The following ENOX2 variants were observed in gnomAD, a reference collection of about 807,000 sequenced individuals.
The protein encoded by ENOX2 is APK1 antigen.
ENOX2 carries 36 observed loss-of-function variants against 45.0 expected under a neutral mutation model. The observed-to-expected ratio is 0.80, with a 90% CI of 0.61 to 1.06. The LOEUF is 1.06. Among genes scored for constraint, ENOX2 ranks in the 50% least tolerant of loss-of-function variants. The pLI, the probability that ENOX2 is intolerant of heterozygous loss-of-function variation, is 0.00. For synonymous variants in ENOX2, 174 were observed against 152.3 expected (o/e 1.14, Z -1.05); for missense variants, 423 against 462.5 (o/e 0.91, Z 0.78).
At chrX:130,805,445 G>A (rs1225944072) in intron 2 of ENOX2, among the ~76,000 whole-genome samples, 2 of 111,757 alleles carry the variant, frequency 1.8e-5, no homozygotes. Flanking sequence ...TATTCCTTGT[G>A]ACCATGCCAC....
intron 2 of ENOX2, among the ~76,000 whole-genome samples, chrX:130,888,042 A>G (rs376732405): frequency 8.9e-6 from 1 of 112,212 alleles, no homozygotes; most frequent in Non-Finnish European, 1.9e-5. Context: ...GAAGCTAATT[A>G]TTTTAAGGCA....
rs2038683440 is a variant in ENOX2 at position 130,729,419 on chromosome X, G to A, written c.-38-26165C>T. On this transcript the variant is annotated intron_variant, in intron 3 of 14. Transcript: ENST00000394363. ...CCATCATAATTTTTATATTACTCAT[G>A]GATTTATGCAGCTGAGTTCCTTTTG... Among the ~76,000 whole-genome samples the A allele has an allele frequency of 3.6e-5, 4 of 111,704 alleles. No homozygotes were observed. The Admixed American group carries it at 3.8e-4, about 11-fold the overall frequency.
At chrX:130,715,148 C>A (rs2038293455) in intron 3 of ENOX2, among the ~76,000 whole-genome samples, 1 of 111,469 alleles carries the variant, frequency 9.0e-6, no homozygotes, top group African/African-American at 3.3e-5. Flanking sequence ...AGTAGGTTGA[C>A]TCTGAGAGGA....
intron 3 of ENOX2, among the ~76,000 whole-genome samples, chrX:130,766,793 C>T (rs1020207141): frequency 1.8e-5 from 2 of 111,848 alleles, no homozygotes; most frequent in Non-Finnish European, 3.8e-5. Context: ...ATTTTACATT[C>T]ATTATTTCAT....
intron 2 of ENOX2, among the ~76,000 whole-genome samples, chrX:130,881,524 T>C (rs919897201): frequency 1.8e-5 from 2 of 112,304 alleles, no homozygotes; most frequent in Non-Finnish European, 3.8e-5. Context: ...ATTTTACACA[T>C]GTCTTAGGTA....
intron 2 of ENOX2, among the ~76,000 whole-genome samples, chrX:130,889,408 T>G (rs1473686760): frequency 8.9e-6 from 1 of 112,149 alleles, no homozygotes; most frequent in African/African-American, 3.2e-5. Flanking sequence ...AAGAAAACTT[T>G]TTCTAATTGC....
intron 3 of ENOX2, among the ~76,000 whole-genome samples, chrX:130,763,459 G>A (rs765814914): frequency 9.0e-6 from 1 of 111,267 alleles, no homozygotes; most frequent in Admixed American, 9.5e-5. Flanking sequence ...GTGGGTAGGA[G>A]CACCTTCATA....
At chrX:130,666,571 C>T (rs975110113) in intron 8 of ENOX2, among the ~76,000 whole-genome samples, 16 of 111,331 alleles carry the variant, frequency 1.4e-4, no homozygotes, top group Non-Finnish European at 2.5e-4. Context: ...CTTTACATCC[C>T]TGTTTGCACC....
rs762996636 is a variant in ENOX2, at chrX:130,740,212, C to T, written c.-38-36958G>A. On this transcript the variant is annotated intron_variant, in intron 3 of 14. Coordinates refer to ENST00000394363, the MANE Select transcript of ENOX2 (RefSeq NM_006375.4). The stretch of plus-strand genomic sequence containing the variant: ...GGCCAGGAGTTTGAAACCAGCCTGG[C>T]CAACATGGCATAACCCTGTCTCTAT... Among the ~76,000 whole-genome samples the T allele has an allele frequency of 2.7e-5, 3 of 111,329 alleles. No homozygotes were observed. In the East Asian group the frequency reaches 8.5e-4, roughly 31 times the overall value.
intron 2 of ENOX2, among the ~76,000 whole-genome samples, chrX:130,862,060 C>T (rs1370820403): frequency 8.9e-6 from 1 of 111,735 alleles, no homozygotes; most frequent in Non-Finnish European, 1.9e-5. Flanking sequence ...CTGCTCAAAA[C>T]CCTCCAAGGA....
chrX:130,654,831 A>G (rs997704826), intron 10 of ENOX2, among the ~76,000 whole-genome samples: 1 of 112,359 alleles, frequency 8.9e-6, no homozygotes, highest in African/African-American at 3.2e-5. Context: ...GATTCTGTGC[A>G]GTAGCCAATA....
At chrX:130,839,108 C>T in intron 2 of ENOX2, among the ~76,000 whole-genome samples, 1 of 112,358 alleles carries the variant, frequency 8.9e-6, no homozygotes, top group Admixed American at 9.4e-5. Context: ...TTGTTGGTTA[C>T]TACTGATTAA....
At chrX:130,821,742 T>TAAAA in intron 2 of ENOX2, among the ~76,000 whole-genome samples, 39 of 23,187 alleles carry the variant, frequency 1.7e-3, no homozygotes, top group Non-Finnish European at 1.8e-3. Flanking sequence ...ATAAATAAAT[T>TAAAA]AAAAAAAAAA....
intron 2 of ENOX2, among the ~76,000 whole-genome samples, chrX:130,871,197 G>T (rs750672377): frequency 1.3e-3 from 140 of 111,287 alleles, no homozygotes; most frequent in Non-Finnish European, 1.6e-3. Context: ...TGTAAATTTT[G>T]CATGTTTTAA....
intron 3 of ENOX2, among the ~76,000 whole-genome samples, chrX:130,766,344 C>A (rs1040272548): frequency 9.0e-6 from 1 of 111,533 alleles, no homozygotes; most frequent in African/African-American, 3.2e-5. Context: ...TTTATGTATT[C>A]TTGATATTAT....
chrX:130,894,498 A>G (rs1185106208), intron 2 of ENOX2, among the ~76,000 whole-genome samples: 2 of 106,898 alleles, frequency 1.9e-5, no homozygotes, highest in African/African-American at 6.8e-5. Flanking sequence ...TTAAAATTTT[A>G]TTCTCAAATG....
In ENOX2 at chrX:130,692,578, C is replaced by CT. The variant is rs1207290298; in HGVS notation, c.98-3561dup. On this transcript the variant is annotated intron_variant, in intron 4 of 14. Transcript: ENST00000394363. ...ACATGTTGATTTGTATTATCTCTCT[C>CT]TGTTTTTTTTTTTTTTTTTTGAGAC... is the stretch of plus-strand genomic sequence containing the variant. 3.3e-3 allele frequency among the ~76,000 whole-genome samples: 347 copies of CT among 106,376 alleles called. 2 individuals are homozygous for CT. The highest frequency in any genetic ancestry group is 0.011 in the African/African-American group (325 of 28,800). 92.4% of individuals were successfully genotyped at this position (106,376 alleles called of 115,157 possible). A position where few individuals can be genotyped will look rare whatever the true frequency, so the allele number is the denominator to read the frequency against.
At chrX:130,666,736 C>T (rs369217662) in intron 8 of ENOX2, among the ~76,000 whole-genome samples, 12 of 111,575 alleles carry the variant, frequency 1.1e-4, no homozygotes, top group African/African-American at 3.6e-4. Flanking sequence ...TGGAACAACT[C>T]CCCCTTAATC....
chrX:130,838,342 A>G (rs2077962069), intron 2 of ENOX2, among the ~76,000 whole-genome samples: 1 of 112,027 alleles, frequency 8.9e-6, no homozygotes, highest in African/African-American at 3.2e-5. Context: ...AGATCGCGCC[A>G]CTGCATTCCG....
Sources: allele counts gnomAD v4.1 joint callset (sites outside exome capture counted in the v4.1 genomes callset), GRCh38; gene constraint gnomAD v4.1.1; transcripts MANE v1.5; gene names NCBI Gene and HGNC (gene_info 2026-07-23, HGNC 2026-07-21).